The following ANKRD30B variants were observed in gnomAD, a reference collection of about 807,000 sequenced individuals.
ANKRD30B encodes the protein ankyrin repeat domain 30B, also known as ankyrin repeat domain-containing protein 30B.
ANKRD30B carries 144 observed loss-of-function variants against 202.2 expected under a neutral mutation model. The observed-to-expected ratio is 0.71, with a 90% CI of 0.62 to 0.82. The LOEUF (loss-of-function observed/expected upper bound fraction) is 0.82. Ranked by LOEUF, ANKRD30B falls within the 40% of genes least tolerant of loss-of-function variation. ANKRD30B has a pLI of 0.00. For synonymous variants in ANKRD30B, 508 were observed against 561.3 expected, an observed-to-expected ratio of 0.91 and a Z score of 1.34; for missense variants, 1,487 against 1,669.1, an observed-to-expected ratio of 0.89 and a Z score of 1.90.
At chr18:14,754,212 G>A (rs376725154) in intron 3 of ANKRD30B, among the ~76,000 whole-genome samples, 1 of 152,106 alleles carries the variant, frequency 6.6e-6, no homozygotes, top group Non-Finnish European at 1.5e-5. Flanking sequence ...TGGCATCTGG[G>A]ATCTTGGGAT....
chr18:14,767,774 T>A (rs9675898), intron 7 of ANKRD30B, among the ~76,000 whole-genome samples: 54,784 of 152,086 alleles, frequency 0.36, 10,183 homozygotes, highest in Non-Finnish European at 0.4. Flanking sequence ...ATGATGTCTT[T>A]ATATTTCATC....
At chr18:14,758,444 C>T (rs57143224) in intron 5 of ANKRD30B, among the ~76,000 whole-genome samples, 2,464 of 152,212 alleles carry the variant, frequency 0.016, 75 homozygotes, top group African/African-American at 0.057. Context: ...TTGAAACTGC[C>T]CCTGCAGTCT....
the ANKRD30B span, among the ~76,000 whole-genome samples, chr18:14,919,669 A>C: frequency 4.6e-5 from 7 of 152,334 alleles, no homozygotes; most frequent in East Asian, 5.8e-4. Context: ...AGGGGAAAAA[A>C]GTTTCTAACA....
the ANKRD30B span, among the ~76,000 whole-genome samples, chr18:14,881,577 T>C: frequency 6.6e-6 from 1 of 152,166 alleles, no homozygotes; most frequent in African/African-American, 2.4e-5. Flanking sequence ...GTTTTGGTAC[T>C]AGGGTGACGC....
intron 3 of ANKRD30B, among the ~76,000 whole-genome samples, chr18:14,754,646 C>A (rs1163713981): frequency 6.6e-6 from 1 of 151,864 alleles, no homozygotes; most frequent in Non-Finnish European, 1.5e-5. Flanking sequence ...AGATGGGAAA[C>A]CATAAAATCA....
At chr18:14,876,191 T>C in the ANKRD30B span, among the ~76,000 whole-genome samples, 2 of 149,096 alleles carry the variant, frequency 1.3e-5, no homozygotes, top group Non-Finnish European at 3.0e-5. Flanking sequence ...GGGCTTGGGG[T>C]CTGGAGTTTG....
chr18:14,761,468 GA>G lies in ANKRD30B; in HGVS notation c.820+851del, dbSNP rs1915250042. On this transcript the variant is annotated intron_variant, in intron 6 of 43. Coordinates refer to ENST00000690538, the MANE Select transcript of ANKRD30B (RefSeq NM_001367607.2). ...ATCCTGCCCATGGGTGATCAAAGGG[GA>G]GTCTTAAGACTGCATGAGTAAACAA... Among the ~76,000 whole-genome samples the G allele has an allele frequency of 2.0e-5, 3 of 151,140 alleles. No individual in the cohort carries two copies. The South Asian group carries it at 6.3e-4, about 32-fold the overall frequency.
At chr18:14,877,420 G>T in the ANKRD30B span, among the ~76,000 whole-genome samples, 2 of 151,922 alleles carry the variant, frequency 1.3e-5, no homozygotes, top group Non-Finnish European at 2.9e-5. Context: ...CTGAGCCCCA[G>T]TTTCTGCATC....
At chr18:14,922,654 CAA>C in the ANKRD30B span, among the ~76,000 whole-genome samples, 3 of 104,878 alleles carry the variant, frequency 2.9e-5, no homozygotes, top group East Asian at 2.8e-4. Context: ...GACTCCGTCT[CAA>C]AAAAAAAAAA....
At chr18:14,938,067 C>T in the ANKRD30B span, among the ~76,000 whole-genome samples, 8 of 152,124 alleles carry the variant, frequency 5.3e-5, no homozygotes, top group African/African-American at 1.2e-4. Flanking sequence ...ATGAAACTGA[C>T]GAGATGACCC....
At chr18:14,824,010 A>G (rs555912604) in intron 32 of ANKRD30B, among the ~76,000 whole-genome samples, 1 of 152,112 alleles carries the variant, frequency 6.6e-6, no homozygotes, top group Non-Finnish European at 1.5e-5. Flanking sequence ...CCAGAAATTC[A>G]CCACATATGT....
the ANKRD30B span, among the ~76,000 whole-genome samples, chr18:14,939,651 G>T: frequency 6.6e-6 from 1 of 152,246 alleles, no homozygotes. Flanking sequence ...GAGGCAGGAA[G>T]TCCCACTGTA....
intron 24 of ANKRD30B, among the ~76,000 whole-genome samples, chr18:14,807,783 C>T (rs1598651367): frequency 6.6e-6 from 1 of 150,834 alleles, no homozygotes; most frequent in Admixed American, 6.6e-5. Flanking sequence ...CCACCCTCTT[C>T]GGGTTTCCAA....
chr18:14,755,759 T>A (rs1321840181), intron 4 of ANKRD30B, among the ~76,000 whole-genome samples: 3 of 152,312 alleles, frequency 2.0e-5, no homozygotes, highest in South Asian at 2.1e-4. Flanking sequence ...CTGCATAGTA[T>A]TCCATGGTGT....
chr18:14,757,597 C>T (rs1481334676), intron 4 of ANKRD30B, among the ~76,000 whole-genome samples: 1 of 152,170 alleles, frequency 6.6e-6, no homozygotes, highest in Non-Finnish European at 1.5e-5. Flanking sequence ...CCTTGCCCCT[C>T]AAGGGACTTT....
At chr18:14,832,313 C>G (rs192818956) in intron 34 of ANKRD30B, among the ~76,000 whole-genome samples, 1 of 152,136 alleles carries the variant, frequency 6.6e-6, no homozygotes, top group Non-Finnish European at 1.5e-5. Context: ...ACTTTAAATT[C>G]TTCAACTAAA....
chr18:14,846,806 C>G (rs927128150), intron 39 of ANKRD30B, among the ~76,000 whole-genome samples: 3 of 151,508 alleles, frequency 2.0e-5, no homozygotes, highest in African/African-American at 7.3e-5. Flanking sequence ...CAATTTTTGT[C>G]TTTATATTTA....
intron 16 of ANKRD30B, among the ~76,000 whole-genome samples, chr18:14,795,945 G>C (rs1157961926): frequency 6.6e-6 from 1 of 151,466 alleles, no homozygotes; most frequent in African/African-American, 2.4e-5. Flanking sequence ...ACTGGTATTA[G>C]GATTTTTCTA....
the ANKRD30B span, among the ~76,000 whole-genome samples, chr18:14,933,572 G>A: frequency 6.6e-6 from 1 of 152,132 alleles, no homozygotes; most frequent in Non-Finnish European, 1.5e-5. Flanking sequence ...CCGGGACCAG[G>A]ATTCTTCCCT....
Sources: gnomAD v4.1 joint callset for allele counts (sites outside exome capture counted in the v4.1 genomes callset) on GRCh38, gnomAD v4.1.1 for gene constraint, MANE v1.5 for transcripts, NCBI Gene and HGNC (gene_info 2026-07-23, HGNC 2026-07-21) for gene names.